EPM2A: variants seen among roughly 807,000 people sequenced by gnomAD.
EPM2A encodes laforin.
A neutral mutation model predicts 26.5 loss-of-function variants in EPM2A; 21 were observed. The ratio of observed to expected loss-of-function variants is 0.79; its 90% CI spans 0.56 to 1.14. EPM2A has a LOEUF of 1.14. Ranked by LOEUF, EPM2A falls within the 50% of genes most tolerant of loss-of-function variation. The pLI is 0.00. For synonymous variants in EPM2A, 217 were observed against 177.6 expected (o/e 1.22, Z -1.76); for missense variants, 458 against 440.8 (o/e 1.04, Z -0.35).
intron 1 of EPM2A, among the ~76,000 whole-genome samples, chr6:145,698,156 C>T (rs560712381): frequency 6.6e-6 from 1 of 152,320 alleles, no homozygotes; most frequent in East Asian, 1.9e-4. Context: ...CGTTCAGGGT[C>T]CCTGACCTCC....
chr6:145,634,408 C>G (rs1776496701), intron 3 of EPM2A: 1 of 152,712 alleles, frequency 6.5e-6, no homozygotes, highest in African/African-American at 2.4e-5. Flanking sequence ...ATGCCCACCT[C>G]AAGTGCCATG....
At chr6:145,442,026 C>T (rs768952494) in intron 4 of EPM2A, among the ~76,000 whole-genome samples, 1 of 152,170 alleles carries the variant, frequency 6.6e-6, no homozygotes, top group East Asian at 1.9e-4. Context: ...GGGCAAAATG[C>T]CACCAGTCTC....
intron 2 of EPM2A, among the ~76,000 whole-genome samples, chr6:145,685,384 A>C (rs1780832304): frequency 6.6e-6 from 1 of 152,158 alleles, no homozygotes; most frequent in Admixed American, 6.5e-5. Flanking sequence ...TTCTCAAAAA[A>C]TGCCTGGTAG....
chr6:145,596,375 T>A (rs1379449689), intron 2 of EPM2A, among the ~76,000 whole-genome samples: 2 of 152,318 alleles, frequency 1.3e-5, no homozygotes, highest in Non-Finnish European at 1.5e-5. Flanking sequence ...CTAAACAATA[T>A]GCATCTAATA....
chr6:145,633,007 T>G (rs746771157), intron 3 of EPM2A, among the ~76,000 whole-genome samples: 17 of 152,222 alleles, frequency 1.1e-4, no homozygotes, highest in Non-Finnish European at 2.5e-4. Context: ...CAGTTACGAC[T>G]GTGACCTGGT....
At chr6:145,700,659 G>T (rs1018797810) in intron 1 of EPM2A, among the ~76,000 whole-genome samples, 11 of 152,244 alleles carry the variant, frequency 7.2e-5, no homozygotes, top group African/African-American at 2.4e-4. Flanking sequence ...ACATTTAGTT[G>T]CAGAGAACAC....
At chr6:145,579,742 G>T (rs1781087120) in intron 2 of EPM2A, among the ~76,000 whole-genome samples, 1 of 152,062 alleles carries the variant, frequency 6.6e-6, no homozygotes, top group African/African-American at 2.4e-5. Flanking sequence ...TTGTTCGGTT[G>T]TATGTCTTAG....
chr6:145,583,582 C>A (rs1036524514), intron 2 of EPM2A, among the ~76,000 whole-genome samples: 2 of 152,084 alleles, frequency 1.3e-5, no homozygotes, highest in Non-Finnish European at 2.9e-5. Context: ...CAATGGCGGG[C>A]GGGGTGGGGT....
At chr6:145,417,258 A>C (rs1379023389) in intron 4 of EPM2A, among the ~76,000 whole-genome samples, 1 of 152,212 alleles carries the variant, frequency 6.6e-6, no homozygotes. Flanking sequence ...CAGTAGTACC[A>C]AATCCTACAG....
intron 3 of EPM2A, among the ~76,000 whole-genome samples, chr6:145,634,251 C>T (rs1224546241): frequency 3.3e-5 from 5 of 152,152 alleles, no homozygotes; most frequent in African/African-American, 7.2e-5. Flanking sequence ...CTGTAGTTAT[C>T]TCTACTCCTC....
intron 2 of EPM2A, among the ~76,000 whole-genome samples, chr6:145,582,493 T>C (rs1199129127): frequency 6.6e-6 from 1 of 152,232 alleles, no homozygotes; most frequent in Admixed American, 6.5e-5. Flanking sequence ...AATTATCTTC[T>C]GACTTGTAGG....
intron 2 of EPM2A, among the ~76,000 whole-genome samples, chr6:145,676,513 A>C (rs1780053512): frequency 6.6e-6 from 1 of 152,200 alleles, no homozygotes; most frequent in Admixed American, 6.5e-5. Context: ...AAGATCAACA[A>C]AATTGATAGG....
intron 4 of EPM2A, among the ~76,000 whole-genome samples, chr6:145,462,176 T>C (rs1456467244): frequency 1.3e-5 from 2 of 152,178 alleles, no homozygotes; most frequent in Non-Finnish European, 2.9e-5. Context: ...TAACAAAATA[T>C]AACTATGCTG....
chr6:145,559,624 T>C (rs1780777156), intron 2 of EPM2A, among the ~76,000 whole-genome samples: 1 of 151,818 alleles, frequency 6.6e-6, no homozygotes, highest in East Asian at 1.9e-4. Context: ...GAAAATTTCT[T>C]CTTCACAATT....
intron 2 of EPM2A, among the ~76,000 whole-genome samples, chr6:145,546,115 T>C (rs1211118063): frequency 6.6e-6 from 1 of 152,142 alleles, no homozygotes; most frequent in African/African-American, 2.4e-5. Flanking sequence ...CTATCTGTCA[T>C]CTGCAAGCTG....
intron 1 of EPM2A, among the ~76,000 whole-genome samples, chr6:145,687,109 A>G (rs1369572441): frequency 6.6e-6 from 1 of 152,100 alleles, no homozygotes; most frequent in Non-Finnish European, 1.5e-5. Flanking sequence ...TTGTCCCCCC[A>G]AAATTTATAT....
intron 2 of EPM2A, among the ~76,000 whole-genome samples, chr6:145,553,373 T>C (rs375013812): frequency 5.3e-5 from 8 of 152,134 alleles, no homozygotes; most frequent in Non-Finnish European, 1.0e-4. Context: ...TCCTTTCAAA[T>C]TGAACCTTTA....
intron 1 of EPM2A, among the ~76,000 whole-genome samples, chr6:145,692,207 G>GT (rs1212618114): frequency 5.3e-5 from 8 of 151,950 alleles, no homozygotes; most frequent in African/African-American, 1.9e-4. Context: ...CAGTAAGGTG[G>GT]TTAAATACGT....
At chr6:145,671,209 C>A (rs1381982537) in intron 2 of EPM2A, 2 of 981,558 alleles carry the variant, frequency 2.0e-6, no homozygotes, top group East Asian at 1.0e-4. Flanking sequence ...AAAAAAAAAT[C>A]TTATCATTAT....
Sources: gnomAD v4.1 joint callset for allele counts (sites outside exome capture counted in the v4.1 genomes callset) on GRCh38, gnomAD v4.1.1 for gene constraint, MANE v1.5 for transcripts, NCBI Gene and HGNC (gene_info 2026-07-23, HGNC 2026-07-21) for gene names.